RBM6: variants seen among roughly 807,000 people sequenced by gnomAD.
The protein encoded by RBM6 is RNA-binding protein 6.
Under a neutral mutation model 140.4 loss-of-function variants are expected in RBM6, and 23 were observed. The ratio of observed to expected loss-of-function variants is 0.16; its 90% CI spans 0.12 to 0.23. RBM6 has a LOEUF of 0.23. Among genes scored for constraint, RBM6 ranks in the 10% least tolerant of loss-of-function variants. The pLI is 1.00. For synonymous variants in RBM6, 439 were observed against 475.6 expected (o/e 0.92, Z 1.00); for missense variants, 1,139 against 1,386.7 (o/e 0.82, Z 2.84).
chr3:50,057,587 CAAAAAAAAAA>C (rs4030422), intron 8 of RBM6, 131 bp from the exon 9 acceptor site: 12 of 219,172 alleles, frequency 5.5e-5, no homozygotes, highest in African/African-American at 2.8e-4. Context: ...AACTCCGTCT[CAAAAAAAAAA>C]AAAAAAAAAA....
chr3:49,996,893 C>G (rs2086111222), intron 5 of RBM6, among the ~76,000 whole-genome samples: 1 of 152,150 alleles, frequency 6.6e-6, no homozygotes, highest in Admixed American at 6.5e-5. Flanking sequence ...ATCTGGACTG[C>G]TTGCATTTAA....
Position 50,061,985 on chromosome 3 carries a change from T to C in RBM6, c.2463T>C (p.Asp821=). Residue 821 remains aspartate (D), a synonymous_variant, in exon 15 of 21, where the codon GAT becomes GAC. Transcript: ENST00000266022. The part of the protein sequence containing the change: ...NTQQEVYVPQ[D]PGLPEEEEIK... Reference sequence around the variant, plus strand: ...AGCAAGAAGTCTATGTGCCCCAGGATCCTGGATTACCTGAGGAAGAAGAGA... The same window carrying C: ...AGCAAGAAGTCTATGTGCCCCAGGACCCTGGATTACCTGAGGAAGAAGAGA... 1 of 1,613,872 alleles carries C rather than the reference T, an allele frequency of 6.2e-7. No individual in the cohort carries two copies. Among genetic ancestry groups the C allele is most frequent in the Non-Finnish European group, 8.5e-7 (1 of 1,179,962 alleles).
intron 6 of RBM6, among the ~76,000 whole-genome samples, chr3:50,013,205 T>C (rs865887075): frequency 6.6e-5 from 10 of 152,082 alleles, no homozygotes; most frequent in Admixed American, 3.9e-4. Flanking sequence ...TGAATTTCCA[T>C]TGGGTTGAGT....
At chr3:49,959,819 G>T (rs1164254256) in intron 1 of RBM6, among the ~76,000 whole-genome samples, 1 of 151,920 alleles carries the variant, frequency 6.6e-6, no homozygotes, top group Non-Finnish European at 1.5e-5. Flanking sequence ...TGATCCACAC[G>T]CCTCAGCCTC....
At chr3:50,024,785 C>T (rs1443448357) in intron 6 of RBM6, among the ~76,000 whole-genome samples, 1 of 151,892 alleles carries the variant, frequency 6.6e-6, no homozygotes, top group Non-Finnish European at 1.5e-5. Context: ...AACCCCGTCT[C>T]TACTAAAAAT....
At chr3:50,043,709 G>A (rs531524474) in intron 6 of RBM6, among the ~76,000 whole-genome samples, 25 of 149,424 alleles carry the variant, frequency 1.7e-4, no homozygotes, top group African/African-American at 6.2e-4. Flanking sequence ...TCAGCCTCCC[G>A]AGTAGCTGGG....
intron 13 of RBM6, 68 bp downstream of exon 13, chr3:50,061,289 GTGTGATCACA>G: frequency 1.2e-6 from 2 of 1,608,646 alleles, no homozygotes; most frequent in Non-Finnish European, 1.7e-6. Context: ...CTTGACATCT[GTGTGATCACA>G]GTTGGCAAGA....
intron 18 of RBM6, among the ~76,000 whole-genome samples, chr3:50,069,812 T>G (rs1246692631): frequency 1.3e-5 from 2 of 152,226 alleles, no homozygotes; most frequent in African/African-American, 4.8e-5. Context: ...AGTTGTCTAC[T>G]ACAAAGAACC....
At chr3:49,949,300 C>T (rs2083628614) in intron 1 of RBM6, among the ~76,000 whole-genome samples, 1 of 151,502 alleles carries the variant, frequency 6.6e-6, no homozygotes, top group Non-Finnish European at 1.5e-5. Flanking sequence ...CCTACTTACC[C>T]CCTCTTACTT....
At chr3:49,978,044 A>G (rs1225100064) in intron 5 of RBM6, among the ~76,000 whole-genome samples, 1 of 152,190 alleles carries the variant, frequency 6.6e-6, no homozygotes, top group Non-Finnish European at 1.5e-5. Flanking sequence ...TCTGTTGCCC[A>G]GGTTGGAGTG....
chr3:50,052,696 G>C (rs553492319), intron 7 of RBM6, among the ~76,000 whole-genome samples: 2 of 152,282 alleles, frequency 1.3e-5, no homozygotes, highest in Admixed American at 1.3e-4. Context: ...CACATTACAT[G>C]TCAGGGACTA....
chr3:49,976,129 T>G (rs892936703), intron 5 of RBM6, among the ~76,000 whole-genome samples: 3 of 152,206 alleles, frequency 2.0e-5, no homozygotes, highest in Admixed American at 2.0e-4. Flanking sequence ...TGACCTATTT[T>G]GCAGAATTTT....
chr3:50,066,342 C>T lies in RBM6; in HGVS notation c.2783C>T (p.Pro928Leu), dbSNP rs2090121026. 3 of 1,614,038 alleles carry T rather than the reference C, an allele frequency of 1.9e-6. No individual in the cohort carries two copies. Among genetic ancestry groups the T allele is most frequent in the Admixed American group, 1.7e-5 (1 of 60,010 alleles). The stretch of plus-strand genomic sequence containing the variant: ...GAGGAACAGACCCCTCCCCCACAGC[C>T]CCGCACAGCACAGCCCCAGAAGCGA... Reference protein sequence around the residue: ...EEEEQTPPPQPRTAQPQKREE... With the variant: ...EEEEQTPPPQLRTAQPQKREE... Residue 928 changes from proline to leucine, a missense_variant, in exon 17 of 21, where the codon CCC becomes CTC. Physicochemically the swap from Pro to Leu is moderately conservative, Grantham distance 98. Transcript: ENST00000266022.
rs765108263 is a variant in RBM6 at position 50,057,982 on chromosome 3, C to T, written c.1948C>T (p.Arg650Cys). ...GAGGGAGTCATGGTCTGGAGAGACA[C>T]GCCAGGATGGAGAGAGCAAAAGTAA... ...RERESWSGET[R>C]QDGESKTIML... The change falls in exon 9 of 21, where the codon CGC (arginine) becomes TGC (cysteine). Residue 650 changes from arginine (R) to cysteine (C), a missense_variant. Arg to Cys is a radical substitution (Grantham distance 180, BLOSUM62 -3). Around this residue, in one of 9 missense-constraint regions of RBM6, gnomAD observed 109 missense variants for 101.9 expected, o/e 1.07. Coordinates refer to ENST00000266022, the MANE Select transcript of RBM6 (RefSeq NM_005777.3). 25 of 1,613,570 alleles carry T rather than the reference C, an allele frequency of 1.5e-5. No individual in the cohort carries two copies. The highest frequency in any genetic ancestry group is 1.8e-5 in the Non-Finnish European group (21 of 1,179,984).
chr3:49,940,813 C>G (rs2083251834), intron 1 of RBM6: 1 of 151,646 alleles, frequency 6.6e-6, no homozygotes, highest in Non-Finnish European at 1.5e-5. Context: ...CTTTAGATTC[C>G]ATTAGCGGTG....
At chr3:50,041,352 T>A (rs1251615888) in intron 6 of RBM6, among the ~76,000 whole-genome samples, 1 of 152,214 alleles carries the variant, frequency 6.6e-6, no homozygotes, top group Non-Finnish European at 1.5e-5. Flanking sequence ...CAGGCAGAGC[T>A]ATAGAGCTGA....
At chr3:49,986,315 C>T (rs1466742574) in intron 5 of RBM6, among the ~76,000 whole-genome samples, 9 of 151,620 alleles carry the variant, frequency 5.9e-5, no homozygotes, top group Admixed American at 4.6e-4. Flanking sequence ...ATTAAACTGG[C>T]CTGGTGCGGT....
chr3:49,953,337 A>G (rs1171542636), intron 1 of RBM6, among the ~76,000 whole-genome samples: 2 of 151,268 alleles, frequency 1.3e-5, no homozygotes, highest in Non-Finnish European at 2.9e-5. Context: ...CTCCTCCCTC[A>G]GCCTCCTGAG....
intron 19 of RBM6, among the ~76,000 whole-genome samples, chr3:50,072,586 T>C (rs541606193): frequency 6.6e-6 from 1 of 152,280 alleles, no homozygotes; most frequent in Admixed American, 6.5e-5. Flanking sequence ...TTTTGTATCA[T>C]GGCCCAATAA....
Sources: gnomAD v4.1 joint callset for allele counts (sites outside exome capture counted in the v4.1 genomes callset) on GRCh38, gnomAD v4.1.1 for gene constraint, gnomAD v4.1.1 regional missense constraint, MANE v1.5 for transcripts, NCBI Gene and HGNC (gene_info 2026-07-23, HGNC 2026-07-21) for gene names.